Variants in SCAF8 observed in about 807,000 individuals in gnomAD.
SCAF8 encodes SR-related and CTD-associated factor 8.
A neutral mutation model predicts 140.5 loss-of-function variants in SCAF8; 23 were observed. The ratio of observed to expected loss-of-function variants is 0.16; its 90% confidence interval spans 0.12 to 0.23. The LOEUF (loss-of-function observed/expected upper bound fraction) is 0.23. Among genes scored for constraint, SCAF8 ranks in the 10% least tolerant of loss-of-function variants. SCAF8 has a pLI of 1.00. For missense variants in SCAF8, 1,397 were observed against 1,555.7 expected, an observed-to-expected ratio of 0.90 and a Z score of 1.72; for synonymous variants, 575 against 528.9, an observed-to-expected ratio of 1.09 and a Z score of -1.20.
chr6:154,765,099 A>T (rs572798240), intron 1 of SCAF8, among the ~76,000 whole-genome samples: 1 of 152,336 alleles, frequency 6.6e-6, no homozygotes, highest in African/African-American at 2.4e-5. Context: ...GAAGTTTATT[A>T]AAAGCTTCTA....
At chr6:154,752,768 C>G (rs1354545581) in intron 1 of SCAF8, among the ~76,000 whole-genome samples, 1 of 152,154 alleles carries the variant, frequency 6.6e-6, no homozygotes, top group Non-Finnish European at 1.5e-5. Flanking sequence ...GTCGCCCAGG[C>G]TAGCACGCAG....
intron 9 of SCAF8, among the ~76,000 whole-genome samples, chr6:154,806,882 A>G (rs1777931825): frequency 1.3e-5 from 2 of 152,216 alleles, no homozygotes; most frequent in South Asian, 4.1e-4. Context: ...AAGAACATTT[A>G]GATGTTGTTT....
intron 6 of SCAF8, 108 bp from the exon 7 acceptor site, chr6:154,801,863 T>C (rs1777780491): frequency 1.4e-6 from 1 of 714,134 alleles, no homozygotes; most frequent in South Asian, 2.3e-5. Context: ...TGTATTTTTT[T>C]CAAAGAGAGT....
intron 10 of SCAF8, 114 bp from the exon 11 acceptor site, chr6:154,808,572 C>G (rs965674233): frequency 5.8e-6 from 4 of 692,056 alleles, no homozygotes; most frequent in African/African-American, 3.6e-5. Context: ...ATTGGACACC[C>G]CTGTATTAGG....
chr6:154,804,462 A>T (rs886538927), intron 8 of SCAF8, among the ~76,000 whole-genome samples: 1 of 152,148 alleles, frequency 6.6e-6, no homozygotes, highest in South Asian at 2.1e-4. Flanking sequence ...GATACAGTTT[A>T]TTTATCCAGT....
chr6:154,736,915 AG>A (rs1482412903), intron 1 of SCAF8, among the ~76,000 whole-genome samples: 1 of 152,204 alleles, frequency 6.6e-6, no homozygotes, highest in Non-Finnish European at 1.5e-5. Flanking sequence ...ATAGCAGTAC[AG>A]AGTCAGGGAG....
intron 1 of SCAF8, among the ~76,000 whole-genome samples, chr6:154,743,584 G>C (rs1204862090): frequency 6.6e-6 from 1 of 152,126 alleles, no homozygotes; most frequent in African/African-American, 2.4e-5. Context: ...GGGTTCATTT[G>C]AGTAGCTTAT....
chr6:154,755,292 C>T (rs946471392), intron 1 of SCAF8, among the ~76,000 whole-genome samples: 20 of 152,102 alleles, frequency 1.3e-4, no homozygotes, highest in South Asian at 2.1e-4. Flanking sequence ...CTTGCTCTGT[C>T]GCCCACACTG....
chr6:154,800,736 A>T (rs1036969857), intron 6 of SCAF8, among the ~76,000 whole-genome samples: 6 of 151,618 alleles, frequency 4.0e-5, no homozygotes, highest in Non-Finnish European at 7.4e-5. Context: ...AAAATATTTT[A>T]AAAAACCGAT....
chr6:154,815,575 C>G (rs1043544443), intron 12 of SCAF8, 141 bp from the exon 13 acceptor site: 1 of 371,010 alleles, frequency 2.7e-6, no homozygotes, highest in Non-Finnish European at 5.0e-6. Context: ...ATAACAGATG[C>G]AAGTGTTCAT....
chr6:154,800,068 G>C (rs1777728174), intron 6 of SCAF8, among the ~76,000 whole-genome samples: 1 of 151,326 alleles, frequency 6.6e-6, no homozygotes, highest in Non-Finnish European at 1.5e-5. Context: ...TTATAGACAT[G>C]AGCCACCGCA....
At chr6:154,777,762 G>A (rs1174181695) in intron 2 of SCAF8, among the ~76,000 whole-genome samples, 8 of 152,214 alleles carry the variant, frequency 5.3e-5, no homozygotes, top group African/African-American at 1.9e-4. Flanking sequence ...TTATATCTGT[G>A]GTAAGGTAAT....
chr6:154,818,300 A>G (rs949384018), intron 13 of SCAF8, among the ~76,000 whole-genome samples, 179 bp from the exon 14 acceptor site: 13 of 152,188 alleles, frequency 8.5e-5, no homozygotes, highest in African/African-American at 3.1e-4. Context: ...TTGAGTTATT[A>G]ATTGTACATG....
chr6:154,813,542 G>A (rs1297184182), intron 12 of SCAF8, among the ~76,000 whole-genome samples: 1 of 152,130 alleles, frequency 6.6e-6, no homozygotes, highest in Non-Finnish European at 1.5e-5. Flanking sequence ...AAATAAAGGG[G>A]CGGGGGGATC....
chr6:154,747,440 G>A (rs1000191715), intron 1 of SCAF8, among the ~76,000 whole-genome samples: 2 of 152,102 alleles, frequency 1.3e-5, no homozygotes, highest in Non-Finnish European at 2.9e-5. Flanking sequence ...AATCCAGGGA[G>A]GTGGAGGTTG....
rs772798509 is a variant in SCAF8, at chr6:154,832,908, A to G, written c.3329A>G (p.Tyr1110Cys). The G allele has an allele frequency of 1.6e-5, 26 of 1,614,000 alleles. No individual in the cohort carries two copies. In the Admixed American group the frequency reaches 1.7e-4, roughly 10 times the overall value. ...AGAGAGCATCGGGTTCTACCGGTCTATGGTGGTCCAAAAGGCTTACATGAA... is the reference window on the plus strand; with the variant it reads ...AGAGAGCATCGGGTTCTACCGGTCTGTGGTGGTCCAAAAGGCTTACATGAA... Reference protein sequence around the residue: ...DEREHRVLPVYGGPKGLHEER... With the variant: ...DEREHRVLPVCGGPKGLHEER... The change falls in exon 20 of 20, where the codon TAT (tyrosine) becomes TGT (cysteine). Residue 1110 changes from tyrosine to cysteine, a missense_variant. Tyr to Cys is a radical substitution (Grantham distance 194). This residue lies in a region of SCAF8 where 930 missense variants were observed against 874.6 expected (regional missense o/e 1.06). Coordinates refer to ENST00000367178, the MANE Select transcript of SCAF8 (RefSeq NM_014892.5).
chr6:154,800,397 T>A (rs762864736), intron 6 of SCAF8, among the ~76,000 whole-genome samples: 1 of 151,566 alleles, frequency 6.6e-6, no homozygotes, highest in Non-Finnish European at 1.5e-5. Flanking sequence ...TTGAGTTGTT[T>A]GAAGGAAAAG....
At chr6:154,775,935 A>G (rs1022449537) in intron 2 of SCAF8, among the ~76,000 whole-genome samples, 3 of 152,142 alleles carry the variant, frequency 2.0e-5, no homozygotes, top group African/African-American at 7.2e-5. Flanking sequence ...TACATATGGA[A>G]GTTAGTTTCA....
rs541497558 is a variant in SCAF8 at position 154,791,938 on chromosome 6, A to G, written c.322-885A>G. On this transcript the variant is annotated intron_variant, in intron 4 of 19. Coordinates refer to ENST00000367178, the MANE Select transcript of SCAF8 (RefSeq NM_014892.5). ...TGCTGCAGTTCAGGGGCATATCAAG[A>G]AGAGTAAATGAGATGGTTCACAGAT... 3.0e-3 allele frequency among the ~76,000 whole-genome samples: 450 copies of G among 152,236 alleles called. 4 individuals carry two copies. The highest frequency in any genetic ancestry group is 0.011 in the African/African-American group (438 of 41,562).
Sources: gnomAD v4.1 joint callset for allele counts (sites outside exome capture counted in the v4.1 genomes callset) on GRCh38, gnomAD v4.1.1 for gene constraint, gnomAD v4.1.1 regional missense constraint, MANE v1.5 for transcripts, NCBI Gene and HGNC (gene_info 2026-07-23, HGNC 2026-07-21) for gene names.